The following SUSD4 variants were observed in gnomAD, a reference collection of about 807,000 sequenced individuals.
The protein encoded by SUSD4 is sushi domain containing 4, also known as sushi domain-containing protein 4.
Under a neutral mutation model 50.5 loss-of-function variants are expected in SUSD4, and 41 were observed. The ratio of observed to expected loss-of-function variants is 0.81; its 90% CI spans 0.63 to 1.05. The LOEUF (loss-of-function observed/expected upper bound fraction) is 1.05. Among genes scored for constraint, SUSD4 ranks in the 50% least tolerant of loss-of-function variants. The pLI, the probability that SUSD4 is intolerant of heterozygous loss-of-function variation, is 0.00. For synonymous variants in SUSD4, 257 were observed against 257.3 expected (o/e 1.00, Z 0.01); for missense variants, 580 against 634.7 (o/e 0.91, Z 0.93).
chr1:223,240,871 AG>A (rs2103021663), intron 5 of SUSD4, among the ~76,000 whole-genome samples: 1 of 152,306 alleles, frequency 6.6e-6, no homozygotes, highest in African/African-American at 2.4e-5. Context: ...TAACTGGACA[AG>A]GTGTACCAGG....
intron 3 of SUSD4, among the ~76,000 whole-genome samples, chr1:223,271,347 A>T (rs1186857151): frequency 6.6e-6 from 1 of 152,172 alleles, no homozygotes; most frequent in African/African-American, 2.4e-5. Context: ...TGTAATGTAG[A>T]ACGCTTTCAA....
intron 2 of SUSD4, among the ~76,000 whole-genome samples, chr1:223,324,549 C>T (rs932338208): frequency 6.6e-6 from 1 of 151,994 alleles, no homozygotes; most frequent in African/African-American, 2.4e-5. Context: ...CTTACCACTC[C>T]TCCAAAGATG....
intron 2 of SUSD4, among the ~76,000 whole-genome samples, chr1:223,303,060 A>G (rs996028915): frequency 2.6e-5 from 4 of 152,172 alleles, no homozygotes; most frequent in African/African-American, 9.7e-5. Context: ...AAGTGGGAAG[A>G]TCACTTGAGC....
intron 2 of SUSD4, among the ~76,000 whole-genome samples, chr1:223,307,852 G>A (rs534825968): frequency 1.3e-5 from 2 of 152,190 alleles, no homozygotes; most frequent in Non-Finnish European, 2.9e-5. Flanking sequence ...AGATTAGCTT[G>A]AGGAAAATCT....
intron 2 of SUSD4, among the ~76,000 whole-genome samples, chr1:223,316,833 G>T (rs907538275): frequency 6.6e-6 from 1 of 152,112 alleles, no homozygotes; most frequent in African/African-American, 2.4e-5. Flanking sequence ...CTGCACAACC[G>T]TCCCTAGAGG....
At chr1:223,253,182 C>A (rs1056592301) in intron 5 of SUSD4, among the ~76,000 whole-genome samples, 7 of 151,878 alleles carry the variant, frequency 4.6e-5, no homozygotes, top group African/African-American at 1.4e-4. Context: ...AAGTCCTGGA[C>A]TTTTCTTCAG....
chr1:223,267,162 G>A (rs1480635627), intron 4 of SUSD4, among the ~76,000 whole-genome samples: 1 of 152,226 alleles, frequency 6.6e-6, no homozygotes, highest in East Asian at 1.9e-4. Flanking sequence ...AGAAAGAGCA[G>A]CAGGAAAGCC....
chr1:223,253,336 T>C (rs1304152478), intron 5 of SUSD4, among the ~76,000 whole-genome samples: 3 of 142,212 alleles, frequency 2.1e-5, no homozygotes, highest in African/African-American at 7.9e-5. Flanking sequence ...CTTGCTTCAG[T>C]ACAAAAAAAA....
intron 2 of SUSD4, among the ~76,000 whole-genome samples, chr1:223,322,539 A>T (rs1315031860): frequency 6.6e-6 from 1 of 152,218 alleles, no homozygotes; most frequent in African/African-American, 2.4e-5. Flanking sequence ...TAAAATCTGT[A>T]CACAAATAAT....
chr1:223,225,532 C>T (rs72743887), intron 7 of SUSD4, among the ~76,000 whole-genome samples: 80 of 152,160 alleles, frequency 5.3e-4, no homozygotes, highest in Non-Finnish European at 8.4e-4. Flanking sequence ...GAGCTTGCTC[C>T]GAGCCAGACT....
At chr1:223,346,688 C>T (rs944376939) in intron 2 of SUSD4, among the ~76,000 whole-genome samples, 1 of 152,196 alleles carries the variant, frequency 6.6e-6, no homozygotes, top group Non-Finnish European at 1.5e-5. Context: ...GGAATGAAAA[C>T]GGTACCTAAT....
intron 5 of SUSD4, among the ~76,000 whole-genome samples, chr1:223,250,186 A>G (rs1661205554): frequency 6.6e-6 from 1 of 152,270 alleles, no homozygotes. Flanking sequence ...CTGTCAACAG[A>G]AATAGTAATA....
intron 5 of SUSD4, among the ~76,000 whole-genome samples, chr1:223,232,268 A>G (rs773435277): frequency 2.0e-5 from 3 of 152,168 alleles, no homozygotes; most frequent in Non-Finnish European, 2.9e-5. Context: ...TCCAGTTAAT[A>G]ATACTGTATT....
chr1:223,351,990 A>C (rs185762030), intron 2 of SUSD4, among the ~76,000 whole-genome samples: 1 of 152,200 alleles, frequency 6.6e-6, no homozygotes. Context: ...TAGAAGACCA[A>C]GGCACGTAGG....
chr1:223,227,370 A>G lies in SUSD4; in HGVS notation c.1061+224T>C, dbSNP rs141029080. Among the ~76,000 whole-genome samples, 1,006 of 152,292 alleles carry G rather than the reference A, an allele frequency of 6.6e-3. 14 individuals carry two copies. The highest frequency in any genetic ancestry group is 0.023 in the African/African-American group (955 of 41,554). ...CTAGCCCCCCATGATGCCCACCTGC[A>G]AATGGTCTACTGCAGGAAGGAGGGA... On this transcript the variant is annotated intron_variant, in intron 7 of 8. Coordinates refer to ENST00000366878, the MANE Select transcript of SUSD4 (RefSeq NM_017982.4). The surrounding 1 kb of genome is among the most constrained non-coding windows in gnomAD (Gnocchi z 4.5).
At chr1:223,295,609 C>T (rs917629460) in intron 2 of SUSD4, among the ~76,000 whole-genome samples, 1 of 151,968 alleles carries the variant, frequency 6.6e-6, no homozygotes, top group South Asian at 2.1e-4. Context: ...GGGAAGCTGA[C>T]CAGCACCTGT....
At chr1:223,265,178 T>G (rs1480098372) in intron 4 of SUSD4, among the ~76,000 whole-genome samples, 1 of 152,154 alleles carries the variant, frequency 6.6e-6, no homozygotes, top group Non-Finnish European at 1.5e-5. Flanking sequence ...CTGGGCCCCA[T>G]GCCCAGGCTC....
At chr1:223,238,770 G>T (rs985226447) in intron 5 of SUSD4, among the ~76,000 whole-genome samples, 5 of 151,902 alleles carry the variant, frequency 3.3e-5, no homozygotes, top group Non-Finnish European at 7.4e-5. Flanking sequence ...GGACTATTTT[G>T]GTGAGTGTTC....
At chr1:223,249,171 C>A (rs900203778) in intron 5 of SUSD4, among the ~76,000 whole-genome samples, 1 of 152,160 alleles carries the variant, frequency 6.6e-6, no homozygotes, top group African/African-American at 2.4e-5. Flanking sequence ...AATACATGAT[C>A]CCCCTACAGT....
Sources: allele counts gnomAD v4.1 joint callset (sites outside exome capture counted in the v4.1 genomes callset), GRCh38; gene constraint gnomAD v4.1.1; non-coding constraint Gnocchi (gnomAD v3.1); transcripts MANE v1.5; gene names NCBI Gene and HGNC (gene_info 2026-07-23, HGNC 2026-07-21).